DEPDC4: variants seen among roughly 807,000 people sequenced by gnomAD.
DEPDC4 encodes the protein DEP domain-containing protein 4.
In DEPDC4, 52 loss-of-function variants were observed where a neutral mutation model predicts 52.0. That is an observed-to-expected ratio of 1.00 (90% CI 0.80 to 1.26). The LOEUF (loss-of-function observed/expected upper bound fraction) is 1.26. Ranked by LOEUF, DEPDC4 falls within the 50% of genes most tolerant of loss-of-function variation. The probability of loss-of-function intolerance (pLI) is 0.00; values close to 1 mark genes in which losing one functional copy is unlikely to be tolerated. For missense variants in DEPDC4, 530 were observed against 546.9 expected (o/e 0.97, Z 0.31); for synonymous variants, 201 against 196.8 (o/e 1.02, Z -0.18).
chr12:100,260,232 T>C (rs1421030759), intron 3 of DEPDC4, among the ~76,000 whole-genome samples: 1 of 151,986 alleles, frequency 6.6e-6, no homozygotes, highest in African/African-American at 2.4e-5. Context: ...GTGATTCTCA[T>C]GCCTCAGCCT....
At chr12:100,250,276 T>A (rs1395157787) in intron 7 of DEPDC4, among the ~76,000 whole-genome samples, 1 of 152,138 alleles carries the variant, frequency 6.6e-6, no homozygotes, top group East Asian at 1.9e-4. Flanking sequence ...AGTGCAGCGG[T>A]GCGATCTTGG....
At chr12:100,253,363 T>C (rs751009265) in intron 5 of DEPDC4, 126 bp downstream of exon 5, 67 of 368,516 alleles carry the variant, frequency 1.8e-4, no homozygotes, top group Non-Finnish European at 3.0e-4. Context: ...TTGAAGTACC[T>C]TGACATCATA....
intron 2 of DEPDC4, 72 bp from the exon 3 acceptor site, chr12:100,262,481 T>G (rs1239866950): frequency 8.2e-7 from 1 of 1,215,406 alleles, no homozygotes; most frequent in African/African-American, 1.6e-5. Flanking sequence ...TTTAAATTAA[T>G]GTATTAAAAT....
chr12:100,271,778 G>T (rs1016525133), upstream of DEPDC4, among the ~76,000 whole-genome samples: 2 of 152,224 alleles, frequency 1.3e-5, no homozygotes, highest in African/African-American at 4.8e-5. Flanking sequence ...TCTTGGGATT[G>T]TAAGCTTGGG....
intron 8 of DEPDC4, among the ~76,000 whole-genome samples, chr12:100,246,657 C>A (rs1418900227): frequency 6.6e-6 from 1 of 152,180 alleles, no homozygotes; most frequent in African/African-American, 2.4e-5. Context: ...AGTAATCAGG[C>A]CAGGCACAGT....
chr12:100,245,193 C>G (rs771215118), intron 8 of DEPDC4, among the ~76,000 whole-genome samples: 1 of 152,036 alleles, frequency 6.6e-6, no homozygotes, highest in Non-Finnish European at 1.5e-5. Context: ...AAATCAAAAG[C>G]CCCAAACAGA....
At chr12:100,235,927 A>T (rs1455636645), downstream of DEPDC4, among the ~76,000 whole-genome samples, 1 of 152,174 alleles carries the variant, frequency 6.6e-6, no homozygotes, top group East Asian at 1.9e-4. Context: ...CCACTTATGA[A>T]GGAGAACATA....
downstream of DEPDC4, among the ~76,000 whole-genome samples, chr12:100,236,150 CAT>C (rs769232924): frequency 8.5e-4 from 130 of 152,300 alleles, no homozygotes; most frequent in Middle Eastern, 3.4e-3. Flanking sequence ...GTGCTATAAA[CAT>C]GTGTGAGCAA....
chr12:100,267,189 C>G, upstream of DEPDC4: 2 of 1,181,016 alleles, frequency 1.7e-6, no homozygotes, highest in Non-Finnish European at 2.4e-6. Flanking sequence ...TCTTTTTCCC[C>G]CTCCCTTACT....
upstream of DEPDC4, among the ~76,000 whole-genome samples, chr12:100,270,931 A>G (rs78903690): frequency 7.3e-4 from 111 of 151,874 alleles, 1 homozygote; most frequent in East Asian, 0.017. Flanking sequence ...TTGGCTGTAC[A>G]TTGCTAAGTC....
intron 9 of DEPDC4, among the ~76,000 whole-genome samples, chr12:100,231,827 AC>A (rs1260305425): frequency 6.6e-6 from 1 of 151,956 alleles, no homozygotes; most frequent in Admixed American, 6.6e-5. Context: ...CGCTTGTAGT[AC>A]CAGCTACTCA....
intron 1 of DEPDC4, among the ~76,000 whole-genome samples, chr12:100,264,943 C>T (rs1310782294): frequency 6.6e-6 from 1 of 152,066 alleles, no homozygotes; most frequent in Non-Finnish European, 1.5e-5. Flanking sequence ...AGAAATCCCA[C>T]TTCTCTGGGC....
At chr12:100,274,824 G>A in the DEPDC4 span, among the ~76,000 whole-genome samples, 1 of 152,320 alleles carries the variant, frequency 6.6e-6, no homozygotes, top group East Asian at 1.9e-4. Flanking sequence ...GAGAGCGATA[G>A]GGCTTTAAAA....
intron 9 of DEPDC4, among the ~76,000 whole-genome samples, chr12:100,234,070 G>C (rs2096137993): frequency 6.6e-6 from 1 of 152,036 alleles, no homozygotes; most frequent in Non-Finnish European, 1.5e-5. Context: ...TTACACCACT[G>C]CACTTCAGCC....
chr12:100,252,591 G>A, intron 5 of DEPDC4, 55 bp from the exon 6 acceptor site: 2 of 1,502,484 alleles, frequency 1.3e-6, no homozygotes, highest in South Asian at 2.6e-5. Context: ...GGAGAGTATA[G>A]TAAGTATTTA....
the DEPDC4 span, among the ~76,000 whole-genome samples, chr12:100,277,837 A>G: frequency 2.2e-4 from 34 of 152,094 alleles, no homozygotes; most frequent in Admixed American, 5.2e-4. Flanking sequence ...TTTACTAACT[A>G]AATTTTATCT....
At chr12:100,244,083 CTCTCTCTCTG>C (rs1286574056) in intron 8 of DEPDC4, among the ~76,000 whole-genome samples, 2 of 37,074 alleles carry the variant, frequency 5.4e-5, no homozygotes, top group African/African-American at 8.9e-5. Flanking sequence ...CTCTCTCTCT[CTCTCTCTCTG>C]TGTATATATA....
intron 4 of DEPDC4, among the ~76,000 whole-genome samples, chr12:100,255,601 A>G (rs2096229263): frequency 1.3e-5 from 2 of 152,220 alleles, no homozygotes; most frequent in Admixed American, 6.5e-5. Flanking sequence ...AAGGAGCCTC[A>G]TTCAGGGTTC....
chr12:100,241,849 G>GAAAA lies in DEPDC4; in HGVS notation c.*47-8_*47-5dup. 2.0e-5 allele frequency: 20 copies of GAAAA among 1,018,476 alleles called. No individual in the cohort carries two copies. The highest frequency in any genetic ancestry group is 6.7e-5 in the South Asian group (3 of 44,748). 63.1% of individuals were successfully genotyped at this position (1,018,476 alleles called of 1,614,324 possible). ...AAGGGTTGGCAAAACGTAAAGCCTG[G>GAAAA]AAAAAAAAAAAAAAAACAAAAGAAA... is the stretch of plus-strand genomic sequence containing the variant. On this transcript the variant is annotated splice_polypyrimidine_tract_variant and splice_region_variant and intron_variant, in intron 9 of 9. Coordinates refer to ENST00000550587, the MANE Select transcript of DEPDC4 (RefSeq NM_001364818.2).
Sources: allele counts gnomAD v4.1 joint callset (sites outside exome capture counted in the v4.1 genomes callset), GRCh38; gene constraint gnomAD v4.1.1; transcripts MANE v1.5; gene names NCBI Gene and HGNC (gene_info 2026-07-23, HGNC 2026-07-21).